Variants in LOC128462377 observed in about 807,000 individuals in gnomAD.
At chr16:89,322,988 C>T in the LOC128462377 span, 3 of 295,234 alleles carry the variant, frequency 1.0e-5, no homozygotes, top group South Asian at 2.8e-5. Flanking sequence ...GGAGTACAGG[C>T]CCGTGGCACC....
chr16:89,361,836 AAAAC>A, the LOC128462377 span, among the ~76,000 whole-genome samples: 14 of 152,374 alleles, frequency 9.2e-5, no homozygotes, highest in East Asian at 9.6e-4. Context: ...ATTTAAAAAC[AAAAC>A]AAACAAAAAA....
the LOC128462377 span, chr16:89,324,510 G>C: frequency 1.3e-5 from 6 of 456,294 alleles, no homozygotes; most frequent in East Asian, 4.2e-4. Context: ...GCATCTTGAG[G>C]AAGCTGCCAA....
chr16:89,373,408 C>A, the LOC128462377 span: 1 of 152,662 alleles, frequency 6.6e-6, no homozygotes, highest in Non-Finnish European at 1.5e-5. Context: ...CCGGGGGCAA[C>A]CCCAACAGGG....
the LOC128462377 span, among the ~76,000 whole-genome samples, chr16:89,396,304 ACT>A: frequency 0.01 from 1,559 of 152,268 alleles, 22 homozygotes; most frequent in African/African-American, 0.035. Flanking sequence ...TTGGGTGCAC[ACT>A]GTGTGCTGAC....
chr16:89,386,459 T>G, the LOC128462377 span, among the ~76,000 whole-genome samples: 1 of 152,092 alleles, frequency 6.6e-6, no homozygotes, highest in Non-Finnish European at 1.5e-5. Flanking sequence ...GAGGCCCTCT[T>G]TTCTCACCAG....
the LOC128462377 span, among the ~76,000 whole-genome samples, chr16:89,374,683 C>T: frequency 5.3e-5 from 8 of 152,144 alleles, no homozygotes; most frequent in African/African-American, 9.7e-5. Flanking sequence ...CAGAGAGCAT[C>T]GGGAAAAGCA....
the LOC128462377 span, among the ~76,000 whole-genome samples, chr16:89,415,565 G>T: frequency 6.6e-6 from 1 of 151,598 alleles, no homozygotes; most frequent in African/African-American, 2.4e-5. Flanking sequence ...CGCCCGGCAA[G>T]CTATTCTTTT....
At chr16:89,317,206 C>A in the LOC128462377 span, 1 of 725,904 alleles carries the variant, frequency 1.4e-6, no homozygotes. Context: ...GGCTGGGGCC[C>A]GGGCCAGGCC....
chr16:89,367,521 T>C, the LOC128462377 span, among the ~76,000 whole-genome samples: 1 of 152,294 alleles, frequency 6.6e-6, no homozygotes, highest in East Asian at 1.9e-4. Flanking sequence ...CGCTCCCTCT[T>C]AGGCCACGGC....
At chr16:89,388,292 G>GTTTTTTTTTTTTT in the LOC128462377 span, among the ~76,000 whole-genome samples, 1 of 61,052 alleles carries the variant, frequency 1.6e-5, no homozygotes, top group African/African-American at 5.0e-5. Context: ...CCATGAGGCT[G>GTTTTTTTTTTTTT]ATTTTTTTTT....
chr16:89,317,528 G>A, the LOC128462377 span, among the ~76,000 whole-genome samples: 6 of 152,108 alleles, frequency 3.9e-5, no homozygotes, highest in African/African-American at 7.2e-5. Context: ...CACAGCCCCA[G>A]CCTCACGCCC....
At chr16:89,335,908 G>A in the LOC128462377 span, among the ~76,000 whole-genome samples, 6 of 152,138 alleles carry the variant, frequency 3.9e-5, no homozygotes, top group African/African-American at 1.4e-4. Context: ...CAGCTGACTG[G>A]CCAGACCCCT....
the LOC128462377 span, among the ~76,000 whole-genome samples, chr16:89,390,966 C>T: frequency 1.3e-5 from 2 of 152,142 alleles, no homozygotes; most frequent in Admixed American, 6.5e-5. Flanking sequence ...CCATGGCTCA[C>T]GCCTGTAATC....
the LOC128462377 span, among the ~76,000 whole-genome samples, chr16:89,364,067 A>AACACAC: frequency 0.014 from 2,157 of 150,528 alleles, 28 homozygotes; most frequent in Non-Finnish European, 0.022. Flanking sequence ...GCTGATTTAA[A>AACACAC]ACACACACAC....
the LOC128462377 span, among the ~76,000 whole-genome samples, chr16:89,347,039 G>A: frequency 6.6e-6 from 1 of 152,204 alleles, no homozygotes; most frequent in Non-Finnish European, 1.5e-5. Context: ...AGCAGGAAGA[G>A]AAGGCTCTGC....
At chr16:89,398,178 C>A in the LOC128462377 span, among the ~76,000 whole-genome samples, 3 of 152,006 alleles carry the variant, frequency 2.0e-5, no homozygotes, top group Admixed American at 1.3e-4. Flanking sequence ...CTCTGGGAGG[C>A]TGACATGAGG....
At chr16:89,366,450 G>T in the LOC128462377 span, among the ~76,000 whole-genome samples, 1 of 152,182 alleles carries the variant, frequency 6.6e-6, no homozygotes, top group Non-Finnish European at 1.5e-5. Context: ...TGCCAACAGT[G>T]TATAAGTGCT....
the LOC128462377 span, among the ~76,000 whole-genome samples, chr16:89,417,582 C>T: frequency 1.3e-5 from 2 of 152,158 alleles, no homozygotes; most frequent in Non-Finnish European, 2.9e-5. Context: ...GCGAACCAGG[C>T]TCCCACTCCT....
At chr16:89,387,911 G>A in the LOC128462377 span, among the ~76,000 whole-genome samples, 1 of 149,994 alleles carries the variant, frequency 6.7e-6, no homozygotes, top group Admixed American at 6.7e-5. Flanking sequence ...TGGGGAGACT[G>A]AGGCAGGAGA....
Sources: gnomAD v4.1 joint callset for allele counts (sites outside exome capture counted in the v4.1 genomes callset) on GRCh38, gnomAD v4.1.1 for gene constraint, MANE v1.5 for transcripts.